Variants in KANK1 observed in about 807,000 individuals in gnomAD.
KANK1 encodes the protein KN motif and ankyrin repeat domain-containing protein 1.
A neutral mutation model predicts 106.2 loss-of-function variants in KANK1; 109 were observed. The observed-to-expected ratio is 1.03, with a 90% CI of 0.88 to 1.20. The LOEUF (loss-of-function observed/expected upper bound fraction) is 1.20, where lower values mean the gene tolerates loss of function less well. KANK1 is among the 50% of genes most tolerant of loss of function. The probability of loss-of-function intolerance (pLI) is 0.00; values close to 1 mark genes in which losing one functional copy is unlikely to be tolerated. For synonymous variants in KANK1, 873 were observed against 652.2 expected, an observed-to-expected ratio of 1.34 and a Z score of -5.16; for missense variants, 2,399 against 1,710.7, an observed-to-expected ratio of 1.40 and a Z score of -7.10.
intron 1 of KANK1, among the ~76,000 whole-genome samples, chr9:569,002 G>A (rs1818513699): frequency 6.6e-6 from 1 of 152,134 alleles, no homozygotes. Flanking sequence ...AGGGAGGAAT[G>A]GCTCTGGTGC....
chr9:576,609 C>A (rs1336447163), intron 1 of KANK1, among the ~76,000 whole-genome samples: 1 of 152,164 alleles, frequency 6.6e-6, no homozygotes, highest in East Asian at 1.9e-4. Flanking sequence ...ATCACGGAGA[C>A]TTGACATTGT....
Position 514,575 on chromosome 9 carries a change from G to A in KANK1, c.-84+9821G>A, listed in dbSNP as rs376690617. On this transcript the variant is annotated intron_variant, in intron 1 of 11. Transcript: ENST00000382297. Reference sequence around the variant, plus strand: ...GAGATCACAGAGCATGTACTCTTTCGTGTCTAGCTTCTCTCCATGTTATAT... The same window carrying A: ...GAGATCACAGAGCATGTACTCTTTCATGTCTAGCTTCTCTCCATGTTATAT... Among the ~76,000 whole-genome samples the A allele has an allele frequency of 7.7e-4, 116 of 151,314 alleles. 3 individuals are homozygous for A. Among genetic ancestry groups the A allele is most frequent in the African/African-American group, 2.8e-3 (113 of 40,804 alleles).
intron 2 of KANK1, chr9:473,061 A>G (rs902519985): frequency 3.3e-5 from 5 of 152,354 alleles, no homozygotes; most frequent in African/African-American, 1.2e-4. Context: ...TTATATAGCA[A>G]TAGGTAACTG....
intron 1 of KANK1, among the ~76,000 whole-genome samples, chr9:573,373 C>CA (rs1489596809): frequency 3.3e-5 from 5 of 152,120 alleles, no homozygotes; most frequent in African/African-American, 1.2e-4. Flanking sequence ...GGGTTCACGC[C>CA]ATTCTCTTGC....
intron 1 of KANK1, among the ~76,000 whole-genome samples, chr9:634,913 C>A (rs1479626287): frequency 6.6e-6 from 1 of 152,222 alleles, no homozygotes; most frequent in African/African-American, 2.4e-5. Context: ...GAGACTTGCT[C>A]TGCCTCTTGG....
intron 1 of KANK1, among the ~76,000 whole-genome samples, chr9:664,773 C>T (rs973928108): frequency 6.6e-6 from 1 of 152,170 alleles, no homozygotes; most frequent in Non-Finnish European, 1.5e-5. Flanking sequence ...AGTGGCTGTA[C>T]TAATTTACAT....
intron 1 of KANK1, among the ~76,000 whole-genome samples, chr9:558,572 C>T (rs117838275): frequency 2.1e-3 from 316 of 152,176 alleles, no homozygotes; most frequent in Non-Finnish European, 3.8e-3. Flanking sequence ...TTAGCCAATG[C>T]GTCTCTTCTT....
chr9:719,653 A>G (rs1404126447), intron 3 of KANK1, among the ~76,000 whole-genome samples: 1 of 152,252 alleles, frequency 6.6e-6, no homozygotes, highest in Non-Finnish European at 1.5e-5. Context: ...CTATATACCA[A>G]TAACTAATAC....
intron 3 of KANK1, among the ~76,000 whole-genome samples, chr9:722,058 G>A (rs1335104145): frequency 6.6e-6 from 1 of 152,196 alleles, no homozygotes; most frequent in Non-Finnish European, 1.5e-5. Context: ...ACCTGACATA[G>A]CTGACTCCGT....
At chr9:528,469 CTTTTTTTTTTTTTTT>C (rs36072780) in intron 1 of KANK1, among the ~76,000 whole-genome samples, 5 of 85,128 alleles carry the variant, frequency 5.9e-5, no homozygotes, top group South Asian at 9.8e-4. Flanking sequence ...TAAAAAATAA[CTTTTTTTTTTTTTTT>C]TTTTTTTTTT....
At chr9:603,710 C>A (rs900021403) in intron 1 of KANK1, among the ~76,000 whole-genome samples, 7 of 151,688 alleles carry the variant, frequency 4.6e-5, no homozygotes, top group African/African-American at 1.7e-4. Context: ...AATCCCAGGA[C>A]TTTGGGAGGT....
At chr9:491,371 A>C (rs368543507) in intron 3 of KANK1, among the ~76,000 whole-genome samples, 1 of 151,400 alleles carries the variant, frequency 6.6e-6, no homozygotes, top group African/African-American at 2.4e-5. Context: ...GGGTTCAAGC[A>C]ATTCTCCTGC....
chr9:574,671 A>G (rs1820081995), intron 1 of KANK1, among the ~76,000 whole-genome samples: 1 of 151,956 alleles, frequency 6.6e-6, no homozygotes, highest in South Asian at 2.1e-4. Flanking sequence ...CCCGGCCAAC[A>G]CAATGAAACC....
chr9:629,695 C>G (rs1216070038), intron 1 of KANK1, among the ~76,000 whole-genome samples: 1 of 152,218 alleles, frequency 6.6e-6, no homozygotes, highest in African/African-American at 2.4e-5. Flanking sequence ...CAGTGCCTCA[C>G]AGTTGTAACC....
intron 3 of KANK1, 100 bp downstream of exon 3, chr9:713,564 G>A: frequency 7.9e-7 from 1 of 1,260,982 alleles, no homozygotes; most frequent in Non-Finnish European, 1.1e-6. Flanking sequence ...CATTTTTGGA[G>A]GAGAAATGGA....
intron 1 of KANK1, among the ~76,000 whole-genome samples, chr9:605,190 A>G (rs922664195): frequency 4.0e-5 from 6 of 151,058 alleles, no homozygotes; most frequent in Non-Finnish European, 8.8e-5. Context: ...AATCCCAGCT[A>G]CTTAGGAGAC....
At chr9:536,001 A>T (rs1400325990) in intron 1 of KANK1, among the ~76,000 whole-genome samples, 5 of 152,142 alleles carry the variant, frequency 3.3e-5, no homozygotes, top group Non-Finnish European at 7.4e-5. Flanking sequence ...AAAGTCTTTT[A>T]GTTTTCTATT....
chr9:711,427 G>T lies in KANK1; in HGVS notation c.661G>T (p.Asp221Tyr). Reference sequence around the variant, plus strand: ...TCAGAATGGATACCAAGGTAATGGGGATTATGGTAGCTATGCCCCAGCTGC... The same window carrying T: ...TCAGAATGGATACCAAGGTAATGGGTATTATGGTAGCTATGCCCCAGCTGC... ...QLQNGYQGNG[D>Y]YGSYAPAAPT... The change falls in exon 3 of 12, where the codon GAT becomes TAT. Residue 221 changes from aspartate to tyrosine, a missense_variant. Asp to Tyr is a radical substitution (Grantham distance 160). Coordinates refer to ENST00000382297, the MANE Select transcript of KANK1 (RefSeq NM_015158.5). The T allele has an allele frequency of 6.2e-7, 1 of 1,614,176 alleles. No homozygotes were observed.
At chr9:602,937 C>T (rs1309338988) in intron 1 of KANK1, among the ~76,000 whole-genome samples, 3 of 151,878 alleles carry the variant, frequency 2.0e-5, no homozygotes, top group East Asian at 1.9e-4. Flanking sequence ...GCAGTCAAGG[C>T]ACATTCCACG....
Sources: gnomAD v4.1 joint callset for allele counts (sites outside exome capture counted in the v4.1 genomes callset) on GRCh38, gnomAD v4.1.1 for gene constraint, MANE v1.5 for transcripts, NCBI Gene and HGNC (gene_info 2026-07-23, HGNC 2026-07-21) for gene names.